ERBB4: variants seen among roughly 807,000 people sequenced by gnomAD.
The protein encoded by ERBB4 is erb-b2 receptor tyrosine kinase 4.
Under a neutral mutation model 158.0 loss-of-function variants are expected in ERBB4, and 42 were observed. The observed-to-expected ratio is 0.27, with a 90% confidence interval of 0.21 to 0.34. The LOEUF (loss-of-function observed/expected upper bound fraction) is 0.34, where lower values mean the gene tolerates loss of function less well. Among genes scored for constraint, ERBB4 ranks in the 10% least tolerant of loss-of-function variants. The probability of loss-of-function intolerance (pLI) is 1.00; values close to 1 mark genes in which losing one functional copy is unlikely to be tolerated. For missense variants in ERBB4, 1,333 were observed against 1,624.1 expected, an observed-to-expected ratio of 0.82 and a Z score of 3.08; for synonymous variants, 583 against 558.7, an observed-to-expected ratio of 1.04 and a Z score of -0.61.
At chr2:211,640,311 G>C (rs938758775) in intron 16 of ERBB4, among the ~76,000 whole-genome samples, 1 of 152,100 alleles carries the variant, frequency 6.6e-6, no homozygotes, top group African/African-American at 2.4e-5. Flanking sequence ...TGTTCATCGG[G>C]GAGTTGGTGG....
intron 7 of ERBB4, among the ~76,000 whole-genome samples, chr2:211,717,035 C>G (rs1016695169): frequency 6.6e-6 from 1 of 152,204 alleles, no homozygotes; most frequent in Admixed American, 6.5e-5. Context: ...GGGGAATTCT[C>G]TAATTCAAAT....
chr2:211,916,303 C>T (rs1479210482), intron 3 of ERBB4, among the ~76,000 whole-genome samples: 1 of 151,996 alleles, frequency 6.6e-6, no homozygotes, highest in East Asian at 1.9e-4. Context: ...CCTCAGCCTC[C>T]CGAGTATCTG....
chr2:212,061,518 G>A (rs138678781), intron 2 of ERBB4, among the ~76,000 whole-genome samples: 2 of 125,472 alleles, frequency 1.6e-5, no homozygotes, highest in Non-Finnish European at 3.2e-5. Context: ...TTTCCATTAA[G>A]CCATATTCTA....
At chr2:211,425,182 A>T (rs542252851) in intron 22 of ERBB4, among the ~76,000 whole-genome samples, 70 of 152,282 alleles carry the variant, frequency 4.6e-4, no homozygotes, top group Non-Finnish European at 9.6e-4. Flanking sequence ...CAATAATATT[A>T]CAAAGTGAAT....
intron 15 of ERBB4, among the ~76,000 whole-genome samples, chr2:211,662,034 G>A (rs1277774545): frequency 5.1e-5 from 3 of 58,742 alleles, no homozygotes; most frequent in Admixed American, 3.6e-4. Context: ...GCGGGACTCC[G>A]TCTCAAAAAA....
intron 20 of ERBB4, among the ~76,000 whole-genome samples, chr2:211,516,270 T>C (rs189328367): frequency 1.3e-5 from 2 of 151,926 alleles, no homozygotes; most frequent in Non-Finnish European, 1.5e-5. Flanking sequence ...ACACATTAAT[T>C]TTTAGCCTTG....
intron 1 of ERBB4, among the ~76,000 whole-genome samples, chr2:212,295,385 GAC>G (rs2086373191): frequency 6.6e-6 from 1 of 151,942 alleles, no homozygotes; most frequent in South Asian, 2.1e-4. Context: ...GTGTTCAAAT[GAC>G]ACAGATTTTT....
intron 1 of ERBB4, among the ~76,000 whole-genome samples, chr2:212,430,516 C>T (rs1460462361): frequency 6.6e-6 from 1 of 151,672 alleles, no homozygotes; most frequent in East Asian, 1.9e-4. Flanking sequence ...TCTTGGCTCA[C>T]TGCAGCCTCC....
intron 19 of ERBB4, among the ~76,000 whole-genome samples, chr2:211,597,993 T>A (rs551540500): frequency 1.3e-5 from 2 of 152,120 alleles, no homozygotes; most frequent in South Asian, 4.1e-4. Context: ...AAAGTGGCAG[T>A]TTTGTATGTC....
intron 20 of ERBB4, among the ~76,000 whole-genome samples, chr2:211,531,109 A>G (rs1326504484): frequency 1.3e-5 from 2 of 152,142 alleles, no homozygotes; most frequent in Admixed American, 1.3e-4. Flanking sequence ...CTAGATATCC[A>G]TATCTACAAG....
At chr2:212,348,944 TAAAG>T (rs1429766961) in intron 1 of ERBB4, among the ~76,000 whole-genome samples, 1 of 152,086 alleles carries the variant, frequency 6.6e-6, no homozygotes. Flanking sequence ...TAAATTCACA[TAAAG>T]AAAGAGAGCG....
At chr2:212,125,590 G>T (rs990733630) in intron 1 of ERBB4, among the ~76,000 whole-genome samples, 2 of 151,956 alleles carry the variant, frequency 1.3e-5, no homozygotes, top group African/African-American at 4.8e-5. Flanking sequence ...TCTCCAATAG[G>T]CCCCAGGGTA....
intron 1 of ERBB4, among the ~76,000 whole-genome samples, chr2:212,400,005 T>C (rs2091156004): frequency 6.6e-6 from 1 of 152,038 alleles, no homozygotes; most frequent in Non-Finnish European, 1.5e-5. Context: ...TCAAATGATA[T>C]GTTAGGCAGG....
intron 2 of ERBB4, among the ~76,000 whole-genome samples, chr2:211,964,404 T>C (rs2081260712): frequency 2.0e-5 from 3 of 152,186 alleles, no homozygotes; most frequent in Non-Finnish European, 4.4e-5. Context: ...TCAACAGATG[T>C]TTTTTCGGAA....
At chr2:212,068,673 C>T (rs1559434233) in intron 2 of ERBB4, among the ~76,000 whole-genome samples, 2 of 152,026 alleles carry the variant, frequency 1.3e-5, no homozygotes, top group Non-Finnish European at 2.9e-5. Context: ...AAGACTAATA[C>T]GCTCTTTGTT....
intron 3 of ERBB4, among the ~76,000 whole-genome samples, chr2:211,889,515 G>A (rs564389859): frequency 6.6e-6 from 1 of 151,834 alleles, no homozygotes; most frequent in Non-Finnish European, 1.5e-5. Flanking sequence ...AAGGAACGCA[G>A]CTCCTCACCA....
chr2:212,295,976 A>G (rs1264703223), intron 1 of ERBB4, among the ~76,000 whole-genome samples: 3 of 151,858 alleles, frequency 2.0e-5, no homozygotes, highest in Non-Finnish European at 4.4e-5. Context: ...TTGTTGTTTT[A>G]TTTTTGTTTT....
chr2:212,493,355 G>A (rs1690385341), intron 1 of ERBB4, among the ~76,000 whole-genome samples: 1 of 151,234 alleles, frequency 6.6e-6, no homozygotes, highest in Non-Finnish European at 1.5e-5. Context: ...AAGTATAGAA[G>A]TGTTATGTAG....
At chr2:211,562,577 T>C (rs1255932019) in intron 19 of ERBB4, among the ~76,000 whole-genome samples, 1 of 152,148 alleles carries the variant, frequency 6.6e-6, no homozygotes, top group Non-Finnish European at 1.5e-5. Flanking sequence ...ATCGTAAATA[T>C]GGAAATGTAG....
Sources: gnomAD v4.1 joint callset for allele counts (sites outside exome capture counted in the v4.1 genomes callset) on GRCh38, gnomAD v4.1.1 for gene constraint, MANE v1.5 for transcripts, NCBI Gene and HGNC (gene_info 2026-07-23, HGNC 2026-07-21) for gene names.